Variants in RNF180 observed in about 807,000 individuals in gnomAD.
RNF180 encodes ring finger protein 180.
Under a neutral mutation model 59.2 loss-of-function variants are expected in RNF180, and 38 were observed. The ratio of observed to expected loss-of-function variants is 0.64; its 90% CI spans 0.50 to 0.84. RNF180 has a LOEUF of 0.84. Among genes scored for constraint, RNF180 ranks in the 40% least tolerant of loss-of-function variants. RNF180 has a pLI of 0.00. For synonymous variants in RNF180, 262 were observed against 240.3 expected, an observed-to-expected ratio of 1.09 and a Z score of -0.84; for missense variants, 705 against 700.9, an observed-to-expected ratio of 1.01 and a Z score of -0.07.
intron 6 of RNF180, among the ~76,000 whole-genome samples, chr5:64,329,374 G>A (rs143958648): frequency 3.0e-4 from 45 of 152,040 alleles, no homozygotes; most frequent in African/African-American, 9.9e-4. Context: ...TTTTCCCAAG[G>A]AATTAAGCGG....
chr5:64,186,180 A>G (rs972811076), intron 1 of RNF180, among the ~76,000 whole-genome samples: 1 of 152,108 alleles, frequency 6.6e-6, no homozygotes, highest in African/African-American at 2.4e-5. Flanking sequence ...AGTAAAAAGG[A>G]TTTTGAAGCC....
chr5:64,359,390 G>C (rs1466428950), intron 7 of RNF180, among the ~76,000 whole-genome samples: 1 of 151,896 alleles, frequency 6.6e-6, no homozygotes, highest in Admixed American at 6.6e-5. Context: ...GGCCAGTGAT[G>C]ATGAGCATTT....
intron 1 of RNF180, among the ~76,000 whole-genome samples, chr5:64,189,288 T>C (rs542755267): frequency 2.4e-4 from 37 of 152,232 alleles, no homozygotes; most frequent in African/African-American, 8.2e-4. Context: ...AGAAACACTT[T>C]GGAATTAGGT....
chr5:64,365,115 G>T (rs1415914666), intron 7 of RNF180, among the ~76,000 whole-genome samples: 1 of 151,374 alleles, frequency 6.6e-6, no homozygotes, highest in African/African-American at 2.4e-5. Context: ...GGGTTGGTTT[G>T]CTCTTGCTTC....
intron 1 of RNF180, among the ~76,000 whole-genome samples, chr5:64,193,927 T>G (rs1459302188): frequency 2.0e-5 from 3 of 152,028 alleles, no homozygotes; most frequent in Non-Finnish European, 4.4e-5. Context: ...CCTACTGTTA[T>G]CAAACAGAGG....
intron 7 of RNF180, among the ~76,000 whole-genome samples, chr5:64,338,902 A>G (rs1217383612): frequency 3.9e-5 from 6 of 152,138 alleles, no homozygotes; most frequent in African/African-American, 1.4e-4. Flanking sequence ...ATGTTAGGAC[A>G]TTAGAACACT....
intron 7 of RNF180, among the ~76,000 whole-genome samples, chr5:64,358,430 T>G (rs760567037): frequency 3.3e-5 from 5 of 151,838 alleles, no homozygotes; most frequent in Non-Finnish European, 7.4e-5. Context: ...GGAACAGTTA[T>G]GAAAGTTTTA....
At chr5:64,243,262 G>A (rs1385195982) in intron 5 of RNF180, among the ~76,000 whole-genome samples, 1 of 152,178 alleles carries the variant, frequency 6.6e-6, no homozygotes, top group African/African-American at 2.4e-5. Context: ...CCTGGAAAGG[G>A]GGCTGAAGTC....
At chr5:64,359,338 G>C (rs1214974216) in intron 7 of RNF180, among the ~76,000 whole-genome samples, 15 of 149,090 alleles carry the variant, frequency 1.0e-4, no homozygotes, top group African/African-American at 2.7e-4. Context: ...TAACTGGTGT[G>C]AGATGGTATC....
At chr5:64,307,218 C>G (rs1161944175) in intron 5 of RNF180, among the ~76,000 whole-genome samples, 2 of 150,232 alleles carry the variant, frequency 1.3e-5, no homozygotes, top group Non-Finnish European at 3.0e-5. Context: ...ACACAATACT[C>G]TAAATATATT....
At chr5:64,260,146 AT>A (rs1240908910) in intron 5 of RNF180, among the ~76,000 whole-genome samples, 8 of 152,202 alleles carry the variant, frequency 5.3e-5, no homozygotes, top group African/African-American at 1.9e-4. Flanking sequence ...ATTTATACAT[AT>A]TTATGCATAT....
At chr5:64,340,161 TACAC>T (rs545268290) in intron 7 of RNF180, among the ~76,000 whole-genome samples, 6 of 152,156 alleles carry the variant, frequency 3.9e-5, no homozygotes, top group African/African-American at 7.2e-5. Flanking sequence ...TATACACACA[TACAC>T]ACACAAAGCA....
At chr5:64,198,879 G>A (rs1012404246) in intron 1 of RNF180, among the ~76,000 whole-genome samples, 1 of 151,682 alleles carries the variant, frequency 6.6e-6, no homozygotes, top group Non-Finnish European at 1.5e-5. Context: ...GCAGTGGCAC[G>A]ATCTCGGCCC....
At chr5:64,304,053 G>A (rs1463241309) in intron 5 of RNF180, among the ~76,000 whole-genome samples, 6 of 151,624 alleles carry the variant, frequency 4.0e-5, no homozygotes, top group African/African-American at 1.4e-4. Flanking sequence ...ATAAATGGAA[G>A]AACAAAGTCT....
chr5:64,239,990 C>A (rs1222090313), intron 5 of RNF180, among the ~76,000 whole-genome samples: 2 of 152,084 alleles, frequency 1.3e-5, no homozygotes, highest in Non-Finnish European at 2.9e-5. Flanking sequence ...AACTCAGGAA[C>A]CAAATGGGTT....
At chr5:64,360,575 A>C (rs1205351945) in intron 7 of RNF180, among the ~76,000 whole-genome samples, 1 of 151,824 alleles carries the variant, frequency 6.6e-6, no homozygotes, top group Non-Finnish European at 1.5e-5. Flanking sequence ...AAGCAGGAGA[A>C]GGAAATAAAG....
intron 1 of RNF180, among the ~76,000 whole-genome samples, chr5:64,195,728 A>T (rs1436269979): frequency 2.0e-5 from 3 of 152,256 alleles, no homozygotes; most frequent in Non-Finnish European, 2.9e-5. Flanking sequence ...TAAGAAATCA[A>T]GACATGTAAG....
At chr5:64,236,294 C>T (rs1413973937) in intron 5 of RNF180, among the ~76,000 whole-genome samples, 1 of 152,180 alleles carries the variant, frequency 6.6e-6, no homozygotes, top group Non-Finnish European at 1.5e-5. Context: ...AGACTGGCAG[C>T]ATTTTGCCCC....
intron 1 of RNF180, among the ~76,000 whole-genome samples, chr5:64,197,663 T>G (rs747896031): frequency 6.6e-6 from 1 of 152,184 alleles, no homozygotes; most frequent in African/African-American, 2.4e-5. Flanking sequence ...GAAGAACCCA[T>G]AGAGCACTTG....
Sources: allele counts gnomAD v4.1 joint callset (sites outside exome capture counted in the v4.1 genomes callset), GRCh38; gene constraint gnomAD v4.1.1; transcripts MANE v1.5; gene names NCBI Gene and HGNC (gene_info 2026-07-23, HGNC 2026-07-21).